Variants in MRTFB observed in about 807,000 individuals in gnomAD.
MRTFB encodes myocardin-related transcription factor B.
In MRTFB, 29 loss-of-function variants were observed where a neutral mutation model predicts 104.2. That is an observed-to-expected ratio of 0.28 (90% CI 0.21 to 0.38). MRTFB has a LOEUF of 0.38. Among genes scored for constraint, MRTFB ranks in the 10% least tolerant of loss-of-function variants. The pLI is 1.00. For synonymous variants in MRTFB, 535 were observed against 519.5 expected, an observed-to-expected ratio of 1.03 and a Z score of -0.41; for missense variants, 1,270 against 1,341.6, an observed-to-expected ratio of 0.95 and a Z score of 0.83.
At chr16:14,098,973 T>C (rs1205425594) in intron 2 of MRTFB, among the ~76,000 whole-genome samples, 1 of 152,240 alleles carries the variant, frequency 6.6e-6, no homozygotes, top group African/African-American at 2.4e-5. Flanking sequence ...GTCTTAATTA[T>C]TGTAGCTTTA....
intron 3 of MRTFB, among the ~76,000 whole-genome samples, chr16:14,163,786 T>TCATG (rs1387101959): frequency 5.4e-5 from 8 of 149,444 alleles, no homozygotes; most frequent in Non-Finnish European, 8.9e-5. Flanking sequence ...TGAGCTGAGA[T>TCATG]CATGCCATTG....
At chr16:14,153,607 A>C in intron 3 of MRTFB, among the ~76,000 whole-genome samples, 1 of 152,210 alleles carries the variant, frequency 6.6e-6, no homozygotes, top group Non-Finnish European at 1.5e-5. Flanking sequence ...ATGGAATTTA[A>C]ACTCATATCA....
At chr16:14,050,952 C>T in the MRTFB span, among the ~76,000 whole-genome samples, 1 of 152,166 alleles carries the variant, frequency 6.6e-6, no homozygotes, top group Non-Finnish European at 1.5e-5. Flanking sequence ...ACCTAGGGCT[C>T]TACTTCCTCC....
intron 2 of MRTFB, among the ~76,000 whole-genome samples, chr16:14,081,487 T>G (rs955157652): frequency 6.6e-6 from 1 of 152,178 alleles, no homozygotes; most frequent in African/African-American, 2.4e-5. Flanking sequence ...GAGACGGGGT[T>G]TCACCGTGTT....
chr16:14,249,685 C>CA (rs1242134962), intron 13 of MRTFB, among the ~76,000 whole-genome samples: 3 of 152,102 alleles, frequency 2.0e-5, no homozygotes, highest in African/African-American at 7.2e-5. Flanking sequence ...AAATAACTAC[C>CA]AAAAAAATTC....
intron 3 of MRTFB, among the ~76,000 whole-genome samples, chr16:14,181,671 T>C (rs1235453735): frequency 1.3e-5 from 2 of 152,240 alleles, no homozygotes; most frequent in Non-Finnish European, 2.9e-5. Flanking sequence ...TTGTGAAACA[T>C]TGCCCAGTTG....
At chr16:14,086,193 T>C (rs2034694681) in intron 2 of MRTFB, among the ~76,000 whole-genome samples, 1 of 152,216 alleles carries the variant, frequency 6.6e-6, no homozygotes, top group Non-Finnish European at 1.5e-5. Context: ...AATAAATCTT[T>C]GTCCAGTATC....
chr16:14,027,280 A>T, the MRTFB span, among the ~76,000 whole-genome samples: 1 of 152,236 alleles, frequency 6.6e-6, no homozygotes, highest in Non-Finnish European at 1.5e-5. Flanking sequence ...AGACACTGTC[A>T]AAGGGCTATG....
At chr16:14,156,638 A>G (rs944661274) in intron 3 of MRTFB, among the ~76,000 whole-genome samples, 2 of 152,164 alleles carry the variant, frequency 1.3e-5, no homozygotes, top group African/African-American at 4.8e-5. Context: ...TTTAAATTTG[A>G]AGCCTCAAGG....
intron 3 of MRTFB, among the ~76,000 whole-genome samples, chr16:14,171,364 G>A (rs796472741): frequency 7.9e-5 from 12 of 152,182 alleles, no homozygotes; most frequent in East Asian, 5.8e-4. Context: ...GTGTGGTGGC[G>A]GACACCTGTA....
chr16:14,082,230 A>G (rs2034454587), intron 2 of MRTFB, among the ~76,000 whole-genome samples: 1 of 152,196 alleles, frequency 6.6e-6, no homozygotes, highest in Non-Finnish European at 1.5e-5. Flanking sequence ...GGCGTGAGAT[A>G]AAGGTCTGAT....
chr16:14,253,786 T>G (rs2043354917), intron 15 of MRTFB, among the ~76,000 whole-genome samples: 1 of 152,172 alleles, frequency 6.6e-6, no homozygotes, highest in Non-Finnish European at 1.5e-5. Context: ...CTTTGAGTTG[T>G]AAGATGTCCC....
At chr16:14,058,994 A>G in the MRTFB span, among the ~76,000 whole-genome samples, 34 of 152,164 alleles carry the variant, frequency 2.2e-4, no homozygotes, top group East Asian at 2.7e-3. Flanking sequence ...TGCTGGGATT[A>G]CAGGCATGAG....
chr16:14,007,539 T>C, the MRTFB span, among the ~76,000 whole-genome samples: 4 of 152,260 alleles, frequency 2.6e-5, no homozygotes, highest in Admixed American at 2.6e-4. Flanking sequence ...AACATTCATG[T>C]ACAAGTTTTT....
the MRTFB span, among the ~76,000 whole-genome samples, chr16:14,024,192 C>T: frequency 6.6e-6 from 1 of 152,174 alleles, no homozygotes; most frequent in Admixed American, 6.5e-5. Flanking sequence ...TAAATTTTGT[C>T]TGTGCATTTG....
At chr16:14,132,312 ATT>A (rs879649675) in intron 2 of MRTFB, among the ~76,000 whole-genome samples, 2 of 144,320 alleles carry the variant, frequency 1.4e-5, no homozygotes, top group Non-Finnish European at 1.5e-5. Context: ...TGGGTACAGG[ATT>A]TTTTTTTTTT....
At chr16:13,998,871 CAAAAAAAAAAAAAAAAAA>C in the MRTFB span, among the ~76,000 whole-genome samples, 275 of 29,688 alleles carry the variant, frequency 9.3e-3, 4 homozygotes, top group South Asian at 0.029. Context: ...GACTCTGTTT[CAAAAAAAAAAAAAAAAAA>C]AAAAAAAAAA....
In MRTFB at chr16:14,266,074, G is replaced by C. The variant is rs1024298321; in HGVS notation, c.*4630G>C. 2.0e-5 allele frequency: 3 copies of C among 152,198 alleles called. No individual in the cohort carries two copies. Among genetic ancestry groups the C allele is most frequent in the African/African-American group, 7.2e-5 (3 of 41,448 alleles). The allele number at this position is 152,198 out of a possible 1,614,324, so 9.4% of individuals were successfully genotyped here. On this transcript the variant is annotated 3_prime_UTR_variant, in exon 17 of 17. Coordinates refer to ENST00000571589, the MANE Select transcript of MRTFB (RefSeq NM_001308142.2). ...AAGTAACCAATAGTAATGCAAACTT[G>C]CTTTAAAGGAACCAAAGGCATTGCC... is the stretch of plus-strand genomic sequence containing the variant.
chr16:14,084,137 A>C (rs1209685189), intron 2 of MRTFB, among the ~76,000 whole-genome samples: 1 of 152,196 alleles, frequency 6.6e-6, no homozygotes, highest in Non-Finnish European at 1.5e-5. Flanking sequence ...ACTCATTATA[A>C]ATATTTTTAA....
Sources: allele counts gnomAD v4.1 joint callset (sites outside exome capture counted in the v4.1 genomes callset), GRCh38; gene constraint gnomAD v4.1.1; transcripts MANE v1.5; gene names NCBI Gene and HGNC (gene_info 2026-07-23, HGNC 2026-07-21).